The following CDK14 variants were observed in gnomAD, a reference collection of about 807,000 sequenced individuals.
The protein encoded by CDK14 is cyclin-dependent kinase 14.
A neutral mutation model predicts 60.7 loss-of-function variants in CDK14; 34 were observed. The observed-to-expected ratio is 0.56, with a 90% confidence interval of 0.43 to 0.75. The LOEUF (loss-of-function observed/expected upper bound fraction) is 0.75. Among genes scored for constraint, CDK14 ranks in the 30% least tolerant of loss-of-function variants. The probability of loss-of-function intolerance (pLI) is 0.00; values close to 1 mark genes in which losing one functional copy is unlikely to be tolerated. For synonymous variants in CDK14, 197 were observed against 203.7 expected (o/e 0.97, Z 0.28); for missense variants, 482 against 564.1 (o/e 0.85, Z 1.47).
chr7:90,961,931 G>A (rs1025586567), intron 9 of CDK14, among the ~76,000 whole-genome samples: 4 of 152,290 alleles, frequency 2.6e-5, no homozygotes, highest in African/African-American at 4.8e-5. Flanking sequence ...TTCTCATAAC[G>A]CACTAGAGCA....
At chr7:90,684,413 G>T (rs1487464199) in intron 2 of CDK14, among the ~76,000 whole-genome samples, 2 of 152,154 alleles carry the variant, frequency 1.3e-5, no homozygotes, top group East Asian at 1.9e-4. Flanking sequence ...TGGCAGTGGG[G>T]CTATATTACA....
Position 91,206,728 on chromosome 7 carries a change from AT to A in CDK14, c.*29-430del, listed in dbSNP as rs1562994497. 2.6e-5 allele frequency among the ~76,000 whole-genome samples: 4 copies of A among 152,136 alleles called. No individual in the cohort carries two copies. The South Asian group carries it at 8.3e-4, about 32-fold the overall frequency. ...CAACCAAGGAATTATATACAGCTGA[AT>A]TTTTTTAAAAGCGTGTTTGTGATCC... On this transcript the variant is annotated intron_variant, in intron 14 of 14. Transcript: ENST00000380050.
chr7:90,613,292 G>A (rs1024501016), intron 2 of CDK14, among the ~76,000 whole-genome samples: 6 of 152,316 alleles, frequency 3.9e-5, no homozygotes, highest in South Asian at 4.1e-4. Context: ...TCCTCTTTCC[G>A]TTGTGAGCAC....
At chr7:91,176,875 G>A (rs1460520514) in intron 14 of CDK14, among the ~76,000 whole-genome samples, 1 of 152,140 alleles carries the variant, frequency 6.6e-6, no homozygotes, top group South Asian at 2.1e-4. Flanking sequence ...AATTCTACCA[G>A]AGGTACAAGG....
chr7:91,180,036 T>C (rs1441883212), intron 14 of CDK14, among the ~76,000 whole-genome samples: 1 of 152,074 alleles, frequency 6.6e-6, no homozygotes, highest in Non-Finnish European at 1.5e-5. Flanking sequence ...AAAAAGAACA[T>C]ATTACATTAG....
At chr7:91,059,770 C>T (rs557178795) in intron 11 of CDK14, among the ~76,000 whole-genome samples, 2,890 of 152,172 alleles carry the variant, frequency 0.019, 73 homozygotes, top group African/African-American at 0.064. Context: ...GTCTGAGAGA[C>T]AGTTTGTTAT....
intron 2 of CDK14, chr7:90,632,358 A>T: frequency 3.2e-6 from 1 of 317,128 alleles, no homozygotes; most frequent in South Asian, 3.1e-5. Context: ...TTGCCTGTTC[A>T]GTGCTGTGGG....
intron 10 of CDK14, among the ~76,000 whole-genome samples, chr7:91,009,805 T>C (rs1322799983): frequency 1.3e-5 from 2 of 152,112 alleles, no homozygotes; most frequent in Non-Finnish European, 1.5e-5. Flanking sequence ...ACAGTTTCTT[T>C]TGAAGAGCAA....
At chr7:91,056,760 A>G (rs1442044199) in intron 11 of CDK14, among the ~76,000 whole-genome samples, 3 of 152,214 alleles carry the variant, frequency 2.0e-5, no homozygotes, top group Non-Finnish European at 4.4e-5. Context: ...ATGGCTGCAT[A>G]GTATTCCATG....
chr7:90,917,643 C>G lies in CDK14; in HGVS notation c.745C>G (p.Gln249Glu). 6.2e-7 allele frequency: 1 copy of G among 1,613,516 alleles called. No homozygotes were observed. The highest frequency in any genetic ancestry group is 8.5e-7 in the Non-Finnish European group (1 of 1,179,568). The change falls in exon 8 of 15, where the codon CAG becomes GAG. Residue 249 changes from glutamine to glutamate, a missense_variant. Physicochemically the swap from Gln to Glu is conservative, Grantham distance 29. Transcript: ENST00000380050. ...QLLRGLSYIH[Q>E]RYILHRDLKP... is the part of the protein sequence containing the mutation. ...GCTGCGAGGTCTGTCTTACATCCAC[C>G]AGCGTTATATTTTGCACAGAGACCT...
intron 14 of CDK14, among the ~76,000 whole-genome samples, chr7:91,183,526 A>T (rs1157681149): frequency 6.6e-6 from 1 of 152,058 alleles, no homozygotes; most frequent in Non-Finnish European, 1.5e-5. Flanking sequence ...CTCTCATCTC[A>T]TGCCAATATA....
intron 11 of CDK14, 76 bp from the exon 12 acceptor site, chr7:91,079,356 T>C: frequency 2.1e-6 from 2 of 968,372 alleles, no homozygotes; most frequent in Non-Finnish European, 3.2e-6. Context: ...TTTTTTAAAG[T>C]TGAAGTTTTT....
chr7:90,784,453 G>T (rs1478993893), intron 4 of CDK14, among the ~76,000 whole-genome samples: 1 of 152,160 alleles, frequency 6.6e-6, no homozygotes, highest in East Asian at 1.9e-4. Flanking sequence ...AAATGGTTGA[G>T]GTGGTGGATG....
At chr7:90,636,213 A>G (rs947097066) in intron 2 of CDK14, among the ~76,000 whole-genome samples, 2 of 152,078 alleles carry the variant, frequency 1.3e-5, no homozygotes, top group Non-Finnish European at 2.9e-5. Context: ...GTCTTGTGCC[A>G]GTTTTCAAAT....
At chr7:91,137,004 A>G (rs1325625511) in intron 14 of CDK14, among the ~76,000 whole-genome samples, 1 of 152,184 alleles carries the variant, frequency 6.6e-6, no homozygotes, top group Non-Finnish European at 1.5e-5. Context: ...GGATAATCAT[A>G]TTTTGGGATT....
intron 4 of CDK14, among the ~76,000 whole-genome samples, chr7:90,752,715 C>T (rs747118487): frequency 6.6e-6 from 1 of 151,848 alleles, no homozygotes; most frequent in Non-Finnish European, 1.5e-5. Context: ...TAAATGAAAT[C>T]AAAAGTTGGT....
intron 2 of CDK14, among the ~76,000 whole-genome samples, chr7:90,630,025 C>G (rs776697027): frequency 6.6e-6 from 1 of 151,656 alleles, no homozygotes; most frequent in African/African-American, 2.4e-5. Flanking sequence ...GGCAACAGAA[C>G]GAGACACTGT....
rs1238852763 is a variant in CDK14 at position 91,070,241 on chromosome 7, TTTG to T, written c.1106-9184_1106-9182del. Among the ~76,000 whole-genome samples, 557 of 141,734 alleles carry T rather than the reference TTTG, an allele frequency of 3.9e-3. 4 individuals are homozygous for T. The highest frequency in any genetic ancestry group is 0.014 in the African/African-American group (518 of 38,134). The allele number at this position is 141,734 out of a possible 152,430, so 93.0% of individuals were successfully genotyped here. On this transcript the variant is annotated intron_variant, in intron 11 of 14. Transcript: ENST00000380050. Reference sequence around the variant, plus strand: ...CACTTTCTAAAATTAACTCATTTATTTTGTTGTTGCTGCTGCTGCTGCTGCTGC... The same window carrying T: ...CACTTTCTAAAATTAACTCATTTATTTTGTTGCTGCTGCTGCTGCTGCTGC...
intron 2 of CDK14, among the ~76,000 whole-genome samples, chr7:90,689,537 T>C (rs1055269897): frequency 2.0e-5 from 3 of 152,074 alleles, no homozygotes; most frequent in Non-Finnish European, 4.4e-5. Context: ...GCCCTTGGTC[T>C]CCTTTGAGGA....
Sources: gnomAD v4.1 joint callset for allele counts (sites outside exome capture counted in the v4.1 genomes callset) on GRCh38, gnomAD v4.1.1 for gene constraint, MANE v1.5 for transcripts, NCBI Gene and HGNC (gene_info 2026-07-23, HGNC 2026-07-21) for gene names.